The following GRIK4 variants were observed in gnomAD, a reference collection of about 807,000 sequenced individuals.
GRIK4 encodes glutamate ionotropic receptor kainate type subunit 4.
GRIK4 carries 40 observed loss-of-function variants against 104.9 expected under a neutral mutation model. That is an observed-to-expected ratio of 0.38 (90% CI 0.30 to 0.50). The LOEUF (loss-of-function observed/expected upper bound fraction) is 0.50. GRIK4 is among the 20% of genes least tolerant of loss of function. The probability of loss-of-function intolerance (pLI) is 0.93; values close to 1 mark genes in which losing one functional copy is unlikely to be tolerated. For missense variants in GRIK4, 1,047 were observed against 1,308.1 expected, an observed-to-expected ratio of 0.80 and a Z score of 3.08; for synonymous variants, 485 against 524.9, an observed-to-expected ratio of 0.92 and a Z score of 1.04.
chr11:120,922,934 G>A (rs989961815), intron 13 of GRIK4, among the ~76,000 whole-genome samples: 3 of 152,240 alleles, frequency 2.0e-5, no homozygotes, highest in Non-Finnish European at 4.4e-5. Context: ...AGAAATAGCA[G>A]CATGTAGTAT....
chr11:120,795,612 GGAGCTGA>G (rs1952495476), intron 3 of GRIK4, among the ~76,000 whole-genome samples: 3 of 152,218 alleles, frequency 2.0e-5, no homozygotes, highest in African/African-American at 7.2e-5. Context: ...TCACCCCAAA[GGAGCTGA>G]AAAGATAGAC....
intron 19 of GRIK4, among the ~76,000 whole-genome samples, chr11:120,978,804 G>A (rs907161088): frequency 6.6e-6 from 1 of 152,148 alleles, no homozygotes; most frequent in Non-Finnish European, 1.5e-5. Flanking sequence ...AATGTGCCCC[G>A]GGCCAATCAA....
chr11:120,978,976 G>C (rs2155094), intron 19 of GRIK4, among the ~76,000 whole-genome samples: 1 of 152,002 alleles, frequency 6.6e-6, no homozygotes, highest in African/African-American at 2.4e-5. Context: ...TGACCACAGC[G>C]AGGGTGGTTT....
intron 19 of GRIK4, among the ~76,000 whole-genome samples, chr11:120,968,496 G>A (rs1944421237): frequency 6.6e-6 from 1 of 152,222 alleles, no homozygotes; most frequent in South Asian, 2.1e-4. Context: ...CAGCATGAAT[G>A]ATTGTCCCTG....
In GRIK4 at chr11:120,831,947, C is replaced by A; in HGVS notation, c.607C>A (p.Leu203Ile). Residue 203 changes from leucine (L) to isoleucine (I), a missense_variant, in exon 7 of 21, where the codon CTC (leucine) becomes ATC (isoleucine). Physicochemically the swap from Leu to Ile is conservative, Grantham distance 5. Transcript: ENST00000527524. Reference protein sequence around the residue: ...MLDDTRDPTPLLKEIRDDKTA... With the variant: ...MLDDTRDPTPILKEIRDDKTA... ...GGATGACACCCGGGACCCCACCCCG[C>A]TCCTCAAGGAGATCCGGGACGACAA... 6.2e-7 allele frequency: 1 copy of A among 1,613,952 alleles called. No homozygotes were observed. Among genetic ancestry groups the A allele is most frequent in the Non-Finnish European group, 8.5e-7 (1 of 1,179,870 alleles).
rs1944793602 is a variant in GRIK4 at position 120,988,462 on chromosome 11, T to G, written c.*2202T>G. On this transcript the variant is annotated 3_prime_UTR_variant, in exon 21 of 21. Coordinates refer to ENST00000527524, the MANE Select transcript of GRIK4 (RefSeq NM_014619.5). ...CGTTTTTATGAGCAGGCTATCTTGATCAATAGCAAACTTTTTTTAATGGAT... is the reference window on the plus strand; with the variant it reads ...CGTTTTTATGAGCAGGCTATCTTGAGCAATAGCAAACTTTTTTTAATGGAT... 1.3e-5 allele frequency: 2 copies of G among 152,184 alleles called. No individual in the cohort carries two copies. Among genetic ancestry groups the G allele is most frequent in the East Asian group, 3.9e-4 (2 of 5,194 alleles). 9.4% of individuals were successfully genotyped at this position (152,184 alleles called of 1,614,324 possible).
chr11:120,909,695 A>G (rs960540530), intron 13 of GRIK4, among the ~76,000 whole-genome samples: 1 of 152,210 alleles, frequency 6.6e-6, no homozygotes, highest in Non-Finnish European at 1.5e-5. Flanking sequence ...CTCCCCAACA[A>G]GGGGCTTGGG....
At chr11:120,580,530 G>A (rs1948566375) in intron 1 of GRIK4, among the ~76,000 whole-genome samples, 1 of 150,222 alleles carries the variant, frequency 6.7e-6, no homozygotes, top group South Asian at 2.1e-4. Flanking sequence ...TCTTACCAAA[G>A]TGCTGGGATT....
intron 3 of GRIK4, among the ~76,000 whole-genome samples, chr11:120,747,315 C>T (rs77071614): frequency 3.3e-5 from 5 of 152,316 alleles, no homozygotes; most frequent in East Asian, 1.9e-4. Context: ...ATTAACTGCA[C>T]GTCCCAACAG....
intron 3 of GRIK4, among the ~76,000 whole-genome samples, chr11:120,751,961 C>A (rs1180088328): frequency 6.6e-6 from 1 of 152,098 alleles, no homozygotes; most frequent in African/African-American, 2.4e-5. Context: ...TGGGGAGACA[C>A]CCTCTGAGGA....
intron 1 of GRIK4, among the ~76,000 whole-genome samples, chr11:120,546,252 GTTGCTGTGGGT>G: frequency 6.6e-6 from 1 of 152,216 alleles, no homozygotes; most frequent in Non-Finnish European, 1.5e-5. Context: ...TTCGCCCCCA[GTTGCTGTGGGT>G]TTGCTCCTGC....
At chr11:120,901,082 A>G (rs929165530) in intron 12 of GRIK4, among the ~76,000 whole-genome samples, 4 of 151,890 alleles carry the variant, frequency 2.6e-5, no homozygotes, top group African/African-American at 9.7e-5. Context: ...GCCGCTCCAT[A>G]CTCTGCTGGC....
intron 11 of GRIK4, among the ~76,000 whole-genome samples, chr11:120,879,178 G>A (rs1421818880): frequency 6.6e-6 from 1 of 152,204 alleles, no homozygotes; most frequent in African/African-American, 2.4e-5. Flanking sequence ...CAAAGCCCGT[G>A]CTCTCGGATC....
chr11:120,926,537 AACTGGC>A (rs1454190228), intron 13 of GRIK4, among the ~76,000 whole-genome samples: 3 of 152,226 alleles, frequency 2.0e-5, no homozygotes, highest in Non-Finnish European at 4.4e-5. Flanking sequence ...GAGGTTAAGT[AACTGGC>A]CTAAGATTAT....
At chr11:120,652,588 C>T (rs1047252996) in intron 1 of GRIK4, among the ~76,000 whole-genome samples, 3 of 139,702 alleles carry the variant, frequency 2.1e-5, no homozygotes, top group African/African-American at 8.0e-5. Flanking sequence ...GTCAGGACAG[C>T]AGAGAAGTTC....
chr11:120,983,786 A>G (rs1013661280), intron 20 of GRIK4, among the ~76,000 whole-genome samples: 3 of 152,230 alleles, frequency 2.0e-5, no homozygotes. Flanking sequence ...TTATTTTGGT[A>G]TCAGCCCCCT....
chr11:120,861,818 A>C, intron 8 of GRIK4, 141 bp from the exon 9 acceptor site: 1 of 680,246 alleles, frequency 1.5e-6, no homozygotes, highest in South Asian at 1.8e-5. Flanking sequence ...TGCTCTCATT[A>C]ACTCTGGACC....
rs1004339079 is a variant in GRIK4 at position 120,687,801 on chromosome 11, G to A, written c.82+27401G>A. ...CCAGAGCAGAGCCACCATTAGTTGA[G>A]AGCCTCCTGTGTTTACTGGGTCCCC... On this transcript the variant is annotated intron_variant, in intron 3 of 20. Transcript: ENST00000527524. Among the ~76,000 whole-genome samples the A allele has an allele frequency of 2.0e-4, 31 of 152,154 alleles. 2 individuals carry two copies. Among genetic ancestry groups the A allele is most frequent in the Non-Finnish European group, 1.5e-5 (1 of 68,024 alleles).
intron 3 of GRIK4, among the ~76,000 whole-genome samples, chr11:120,752,097 G>A (rs1951565795): frequency 6.6e-6 from 1 of 152,124 alleles, no homozygotes. Context: ...CCTGTGAAGG[G>A]TCTCGTGCAT....
Sources: allele counts gnomAD v4.1 joint callset (sites outside exome capture counted in the v4.1 genomes callset), GRCh38; gene constraint gnomAD v4.1.1; transcripts MANE v1.5; gene names NCBI Gene and HGNC (gene_info 2026-07-23, HGNC 2026-07-21).